Variants in TP63 observed in about 807,000 individuals in gnomAD.
TP63 encodes tumor protein p63, also known as tumor protein 63.
Under a neutral mutation model 82.8 loss-of-function variants are expected in TP63, and 17 were observed. The ratio of observed to expected loss-of-function variants is 0.21; its 90% CI spans 0.14 to 0.31. TP63 has a LOEUF of 0.31. TP63 is among the 10% of genes least tolerant of loss of function. The pLI is 1.00. For synonymous variants in TP63, 330 were observed against 321.7 expected (o/e 1.03, Z -0.28); for missense variants, 648 against 895.3 (o/e 0.72, Z 3.52).
chr3:189,874,122 T>G (rs1355951975), intron 10 of TP63, among the ~76,000 whole-genome samples: 3 of 152,096 alleles, frequency 2.0e-5, no homozygotes, highest in African/African-American at 7.2e-5. Flanking sequence ...CAGGTAGGAG[T>G]GCAGTGGCAC....
chr3:189,765,557 C>G (rs1030084589), intron 3 of TP63, among the ~76,000 whole-genome samples: 2 of 149,978 alleles, frequency 1.3e-5, no homozygotes, highest in South Asian at 4.2e-4. Context: ...CTCAGCCTCC[C>G]GAGTAGCTGG....
chr3:189,636,707 T>A (rs73889793), intron 1 of TP63, among the ~76,000 whole-genome samples: 7,433 of 152,198 alleles, frequency 0.049, 191 homozygotes, highest in Middle Eastern at 0.058. Flanking sequence ...TTAAGAAAGA[T>A]TAATACAAGG....
At chr3:189,829,250 G>A (rs2108697455) in intron 4 of TP63, among the ~76,000 whole-genome samples, 1 of 152,118 alleles carries the variant, frequency 6.6e-6, no homozygotes, top group East Asian at 1.9e-4. Context: ...TCTTAAAAGA[G>A]GATTCAGGAA....
At chr3:189,857,059 A>T (rs1211735755) in intron 4 of TP63, among the ~76,000 whole-genome samples, 2 of 152,118 alleles carry the variant, frequency 1.3e-5, no homozygotes, top group Non-Finnish European at 2.9e-5. Context: ...AAAGGATATA[A>T]AATAGCCAGA....
chr3:189,873,850 C>G (rs977036266), intron 10 of TP63, among the ~76,000 whole-genome samples: 7 of 152,198 alleles, frequency 4.6e-5, no homozygotes, highest in Admixed American at 3.9e-4. Flanking sequence ...GAAGTATTGT[C>G]AGAGACTCTG....
the TP63 span, among the ~76,000 whole-genome samples, chr3:189,614,684 C>T: frequency 1.3e-5 from 2 of 152,152 alleles, no homozygotes; most frequent in African/African-American, 4.8e-5. Context: ...GACAGAGGCT[C>T]ATGTGGAGTA....
Position 189,840,269 on chromosome 3 carries a change from T to C in TP63, c.580-23963T>C, listed in dbSNP as rs569416570. Among the ~76,000 whole-genome samples, 6 of 151,964 alleles carry C rather than the reference T, an allele frequency of 3.9e-5. No individual in the cohort carries two copies. The East Asian group carries it at 9.7e-4, about 25-fold the overall frequency. ...GCAGTAATCCTCAAAAAGGTAGACGTCTACCATAATTCAGTCTATTGCTCC... is the reference window on the plus strand; with the variant it reads ...GCAGTAATCCTCAAAAAGGTAGACGCCTACCATAATTCAGTCTATTGCTCC... On this transcript the variant is annotated intron_variant, in intron 4 of 13. Coordinates refer to ENST00000264731, the MANE Select transcript of TP63 (RefSeq NM_003722.5).
At chr3:189,686,195 C>G (rs969934122) in intron 1 of TP63, among the ~76,000 whole-genome samples, 3 of 152,128 alleles carry the variant, frequency 2.0e-5, no homozygotes, top group African/African-American at 7.2e-5. Context: ...CAGGTTCAGG[C>G]CTCCATCCTG....
At chr3:189,618,731 G>A in the TP63 span, among the ~76,000 whole-genome samples, 1 of 152,140 alleles carries the variant, frequency 6.6e-6, no homozygotes, top group Non-Finnish European at 1.5e-5. Flanking sequence ...GAATCTTGAT[G>A]ACCTTCGAGT....
chr3:189,864,539 GCCT>G (rs77717066), intron 5 of TP63, 121 bp downstream of exon 5: 1 of 450,618 alleles, frequency 2.2e-6, no homozygotes, highest in Non-Finnish European at 3.4e-6. Context: ...AGATCAGTCT[GCCT>G]TTTTTTTTTT....
At chr3:189,676,070 T>C (rs1361805173) in intron 1 of TP63, among the ~76,000 whole-genome samples, 1 of 152,168 alleles carries the variant, frequency 6.6e-6, no homozygotes, top group African/African-American at 2.4e-5. Context: ...TGTATAACAT[T>C]ATGTTTTGAT....
intron 3 of TP63, among the ~76,000 whole-genome samples, chr3:189,793,199 C>A (rs982597076): frequency 1.7e-4 from 26 of 152,004 alleles, no homozygotes; most frequent in Admixed American, 3.3e-4. Context: ...GATCACAGAT[C>A]ATACCTTCCT....
At chr3:189,622,006 CA>C in the TP63 span, among the ~76,000 whole-genome samples, 1 of 152,196 alleles carries the variant, frequency 6.6e-6, no homozygotes, top group Admixed American at 6.5e-5. Context: ...AAGACCTACT[CA>C]GGGGTCACCC....
intron 4 of TP63, among the ~76,000 whole-genome samples, chr3:189,859,788 T>C (rs1433251531): frequency 2.0e-5 from 3 of 152,112 alleles, no homozygotes; most frequent in Non-Finnish European, 4.4e-5. Context: ...AATTGGTGAG[T>C]TGACAAATAA....
chr3:189,818,232 A>G (rs987149925), intron 4 of TP63, among the ~76,000 whole-genome samples: 2 of 151,966 alleles, frequency 1.3e-5, no homozygotes, highest in African/African-American at 4.8e-5. Flanking sequence ...ATGTTTTCCC[A>G]TAAGAACAGT....
the TP63 span, among the ~76,000 whole-genome samples, chr3:189,620,806 G>A: frequency 6.6e-6 from 1 of 152,182 alleles, no homozygotes; most frequent in Non-Finnish European, 1.5e-5. Context: ...GCCATCAACT[G>A]TGCATTCCAC....
intron 9 of TP63, among the ~76,000 whole-genome samples, chr3:189,870,361 C>T (rs1161370392): frequency 2.0e-5 from 3 of 151,986 alleles, no homozygotes; most frequent in Non-Finnish European, 4.4e-5. Context: ...ACAAATATAA[C>T]AACAATATAG....
In TP63 at chr3:189,896,880, T is replaced by G. The variant is rs1721514134; in HGVS notation, c.*2378T>G. The G allele has an allele frequency of 4.6e-6, 1 of 218,872 alleles. No homozygotes were observed. The highest frequency in any genetic ancestry group is 5.8e-5 in the Admixed American group (1 of 17,310). The allele number at this position is 218,872 out of a possible 1,614,324, so 13.6% of individuals were successfully genotyped here. ...TGGGCTTAATGGAGTTCTTGTGGCCTCAGCTCAATGCAGTTAGCTGAAGAA... is the reference window on the plus strand; with the variant it reads ...TGGGCTTAATGGAGTTCTTGTGGCCGCAGCTCAATGCAGTTAGCTGAAGAA... On this transcript the variant is annotated 3_prime_UTR_variant, in exon 14 of 14. Transcript: ENST00000264731.
intron 1 of TP63, among the ~76,000 whole-genome samples, chr3:189,667,135 G>A (rs1338661362): frequency 2.0e-5 from 3 of 149,590 alleles, no homozygotes; most frequent in East Asian, 2.0e-4. Context: ...AGCATAGCAC[G>A]ACAGTCCCAC....
Sources: gnomAD v4.1 joint callset for allele counts (sites outside exome capture counted in the v4.1 genomes callset) on GRCh38, gnomAD v4.1.1 for gene constraint, MANE v1.5 for transcripts, NCBI Gene and HGNC (gene_info 2026-07-23, HGNC 2026-07-21) for gene names.